HDAC9: variants seen among roughly 807,000 people sequenced by gnomAD.
The protein encoded by HDAC9 is histone deacetylase 9.
A neutral mutation model predicts 139.4 loss-of-function variants in HDAC9; 41 were observed. The ratio of observed to expected loss-of-function variants is 0.29; its 90% confidence interval spans 0.23 to 0.38. The LOEUF (loss-of-function observed/expected upper bound fraction) is 0.38. Ranked by LOEUF, HDAC9 falls within the 10% of genes least tolerant of loss-of-function variation. The probability of loss-of-function intolerance (pLI) is 1.00; values close to 1 mark genes in which losing one functional copy is unlikely to be tolerated. For synonymous variants in HDAC9, 517 were observed against 476.2 expected, an observed-to-expected ratio of 1.09 and a Z score of -1.12; for missense variants, 1,147 against 1,297.0, an observed-to-expected ratio of 0.88 and a Z score of 1.78.
intron 22 of HDAC9, among the ~76,000 whole-genome samples, chr7:18,887,376 A>C (rs1336531100): frequency 6.6e-6 from 1 of 152,210 alleles, no homozygotes; most frequent in Non-Finnish European, 1.5e-5. Flanking sequence ...AGTGATTGAA[A>C]AAAAGGAAAC....
At chr7:18,671,614 C>A (rs578182049) in intron 12 of HDAC9, among the ~76,000 whole-genome samples, 58 of 152,116 alleles carry the variant, frequency 3.8e-4, no homozygotes, top group Non-Finnish European at 2.9e-4. Flanking sequence ...TACTCCAATA[C>A]GTTTTAGAAT....
chr7:18,211,058 A>T (rs1791904377), intron 2 of HDAC9, among the ~76,000 whole-genome samples: 1 of 152,234 alleles, frequency 6.6e-6, no homozygotes, highest in African/African-American at 2.4e-5. Flanking sequence ...AGTTCCCTGG[A>T]AACTCAGAAG....
intron 2 of HDAC9, among the ~76,000 whole-genome samples, chr7:18,183,226 G>A (rs533287463): frequency 2.0e-5 from 3 of 152,038 alleles, no homozygotes; most frequent in South Asian, 2.1e-4. Flanking sequence ...AGCCAGGATG[G>A]TCTTGATCTT....
chr7:18,911,923 C>G (rs1005933092), intron 22 of HDAC9, among the ~76,000 whole-genome samples: 2 of 151,944 alleles, frequency 1.3e-5, no homozygotes, highest in African/African-American at 4.8e-5. Flanking sequence ...ACTATATGAT[C>G]TATTCCAGAG....
At chr7:18,877,063 C>T (rs1230536713) in intron 22 of HDAC9, among the ~76,000 whole-genome samples, 1 of 152,046 alleles carries the variant, frequency 6.6e-6, no homozygotes, top group Admixed American at 6.6e-5. Flanking sequence ...CCCTTAATCC[C>T]CCAAACTTAG....
intron 1 of HDAC9, among the ~76,000 whole-genome samples, chr7:18,415,980 G>T (rs1313684383): frequency 6.6e-6 from 1 of 151,914 alleles, no homozygotes; most frequent in Non-Finnish European, 1.5e-5. Context: ...TTATTGGATT[G>T]GAGTTGCTAA....
In HDAC9 at chr7:18,590,423, G is replaced by C. The variant is rs751066456; in HGVS notation, c.352G>C (p.Val118Leu). The C allele has an allele frequency of 2.5e-6, 4 of 1,608,738 alleles. No individual in the cohort carries two copies. In the Admixed American group the frequency reaches 5.1e-5, roughly 20 times the overall value. The change falls in exon 4 of 26, where the codon GTA becomes CTA. Residue 118 changes from valine (V) to leucine (L), a missense_variant. Around this residue, in one of 7 missense-constraint regions of HDAC9, gnomAD observed 136 missense variants for 183.5 expected, o/e 0.74. Coordinates refer to ENST00000686413, the MANE Select transcript of HDAC9 (RefSeq NM_178425.4). Reference sequence around the variant, plus strand: ...GGAGCAGCAGAGGCAAGAACAGGAAGTAGAGAGGCATCGCAGAGAACAGCA... The same window carrying C: ...GGAGCAGCAGAGGCAAGAACAGGAACTAGAGAGGCATCGCAGAGAACAGCA... ...KLEQQRQEQE[V>L]ERHRREQQLP...
intron 17 of HDAC9, among the ~76,000 whole-genome samples, chr7:18,808,865 C>G (rs1793944962): frequency 1.3e-5 from 2 of 151,498 alleles, no homozygotes; most frequent in Non-Finnish European, 2.9e-5. Flanking sequence ...CAACAAAAAC[C>G]CAAAAAACAA....
chr7:18,854,524 G>A (rs941912944), intron 21 of HDAC9, among the ~76,000 whole-genome samples: 4 of 152,066 alleles, frequency 2.6e-5, no homozygotes, highest in African/African-American at 9.7e-5. Context: ...TAATTCAGGT[G>A]TATTTCCAAT....
intron 2 of HDAC9, among the ~76,000 whole-genome samples, chr7:18,167,920 T>C (rs954876425): frequency 2.6e-5 from 4 of 152,226 alleles, no homozygotes; most frequent in African/African-American, 9.6e-5. Flanking sequence ...TGCAGTATTT[T>C]ATAATGCACT....
chr7:18,857,363 GTA>G lies in HDAC9; in HGVS notation c.2685-17113_2685-17112del, dbSNP rs60976379. Among the ~76,000 whole-genome samples, 27 of 150,974 alleles carry G rather than the reference GTA, an allele frequency of 1.8e-4. No individual in the cohort carries two copies. The South Asian group carries it at 2.9e-3, about 16-fold the overall frequency. The stretch of plus-strand genomic sequence containing the variant: ...TGTGTGTGTGTGTGTGTGTGTGTGT[GTA>G]TGTATGTATGTACTAGTTCCTGGAG... On this transcript the variant is annotated intron_variant, in intron 21 of 25. Transcript: ENST00000686413.
chr7:18,885,493 A>G (rs191440641), intron 22 of HDAC9, among the ~76,000 whole-genome samples: 58 of 152,294 alleles, frequency 3.8e-4, no homozygotes, highest in African/African-American at 1.3e-3. Flanking sequence ...CATCCCTCTG[A>G]AACCATTACA....
chr7:18,955,183 C>G (rs1783064140), intron 24 of HDAC9, among the ~76,000 whole-genome samples: 1 of 152,094 alleles, frequency 6.6e-6, no homozygotes, highest in African/African-American at 2.4e-5. Context: ...CTGGGGTGCA[C>G]TATTCAAGTC....
intron 1 of HDAC9, among the ~76,000 whole-genome samples, chr7:18,374,761 G>A (rs1784862021): frequency 6.6e-6 from 1 of 152,010 alleles, no homozygotes; most frequent in African/African-American, 2.4e-5. Flanking sequence ...ATCCTCTGCT[G>A]TTGGCAGCAT....
intron 7 of HDAC9, among the ~76,000 whole-genome samples, chr7:18,633,216 A>G (rs1782874091): frequency 6.6e-6 from 1 of 152,158 alleles, no homozygotes; most frequent in African/African-American, 2.4e-5. Flanking sequence ...ATGGGAAGAC[A>G]AACATGGATG....
chr7:18,363,647 T>C (rs1362982053), intron 1 of HDAC9, among the ~76,000 whole-genome samples: 1 of 151,836 alleles, frequency 6.6e-6, no homozygotes, highest in Non-Finnish European at 1.5e-5. Flanking sequence ...AAAATGGAGA[T>C]GTTTTCTGTT....
chr7:18,489,915 A>T (rs1241285743), intron 1 of HDAC9, among the ~76,000 whole-genome samples: 1 of 151,996 alleles, frequency 6.6e-6, no homozygotes, highest in Non-Finnish European at 1.5e-5. Context: ...AGCAGGGAAA[A>T]GCTGTGCACA....
intron 1 of HDAC9, among the ~76,000 whole-genome samples, chr7:18,470,167 G>A (rs1794615239): frequency 6.6e-6 from 1 of 152,020 alleles, no homozygotes; most frequent in African/African-American, 2.4e-5. Flanking sequence ...AAATAAATAA[G>A]CCAGGTGTGG....
At chr7:18,116,277 G>T (rs978478892) in intron 1 of HDAC9, among the ~76,000 whole-genome samples, 1 of 152,110 alleles carries the variant, frequency 6.6e-6, no homozygotes, top group African/African-American at 2.4e-5. Context: ...TGAGAAATTG[G>T]ACACAAATTC....
Sources: allele counts gnomAD v4.1 joint callset (sites outside exome capture counted in the v4.1 genomes callset), GRCh38; gene constraint gnomAD v4.1.1; regional missense constraint gnomAD v4.1.1; transcripts MANE v1.5; gene names NCBI Gene and HGNC (gene_info 2026-07-23, HGNC 2026-07-21).